The following WIPI2 variants were observed in gnomAD, a reference collection of about 807,000 sequenced individuals.
WIPI2 encodes the protein WD repeat domain phosphoinositide-interacting protein 2.
Under a neutral mutation model 52.3 loss-of-function variants are expected in WIPI2, and 28 were observed. The observed-to-expected ratio is 0.54, with a 90% CI of 0.40 to 0.73. The LOEUF (loss-of-function observed/expected upper bound fraction) is 0.73. Ranked by LOEUF, WIPI2 falls within the 30% of genes least tolerant of loss-of-function variation. The probability of loss-of-function intolerance (pLI) is 0.00; values close to 1 mark genes in which losing one functional copy is unlikely to be tolerated. For missense variants in WIPI2, 506 were observed against 602.9 expected (o/e 0.84, Z 1.68); for synonymous variants, 268 against 245.0 (o/e 1.09, Z -0.88).
intron 3 of WIPI2, among the ~76,000 whole-genome samples, chr7:5,211,853 C>T (rs1453617962): frequency 6.6e-6 from 1 of 152,178 alleles, no homozygotes; most frequent in Non-Finnish European, 1.5e-5. Context: ...TTGTTAAACT[C>T]GCCTTCCTGC....
chr7:5,196,538 A>C (rs1025979777), intron 2 of WIPI2, among the ~76,000 whole-genome samples: 1 of 152,148 alleles, frequency 6.6e-6, no homozygotes, highest in Non-Finnish European at 1.5e-5. Context: ...AAATATCTGA[A>C]CTTGATTGGC....
intron 2 of WIPI2, among the ~76,000 whole-genome samples, chr7:5,196,659 C>A (rs746202327): frequency 1.3e-5 from 2 of 152,068 alleles, no homozygotes; most frequent in Non-Finnish European, 2.9e-5. Flanking sequence ...GGAGAAGCCC[C>A]CTCGAAGCTC....
At chr7:5,201,453 G>A (rs915847346) in intron 3 of WIPI2, among the ~76,000 whole-genome samples, 1 of 152,152 alleles carries the variant, frequency 6.6e-6, no homozygotes, top group Admixed American at 6.6e-5. Context: ...ATCTTTTAGA[G>A]TGGATATTGG....
rs1783474176 is a variant in WIPI2, at chr7:5,227,134, C to T, written c.849-46C>T. 1 of 1,610,952 alleles carries T rather than the reference C, an allele frequency of 6.2e-7. No homozygotes were observed. The highest frequency in any genetic ancestry group is 1.3e-5 in the African/African-American group (1 of 75,000). On this transcript the variant is annotated intron_variant, in intron 9 of 12. Transcript: ENST00000288828. This position sits in a 1 kb window ranked among gnomAD's most constrained non-coding sequence, Gnocchi z 8.1. ...TGTGTGAGTAGGGGGTGGCCGTCCC[C>T]CCAGGGAGGGTGCAGCTTCATGTGT...
At chr7:5,221,777 T>C (rs1338772373) in intron 7 of WIPI2, among the ~76,000 whole-genome samples, 1 of 152,002 alleles carries the variant, frequency 6.6e-6, no homozygotes, top group Non-Finnish European at 1.5e-5. Flanking sequence ...TTCATGTGCA[T>C]CTTACCATTT....
At chr7:5,219,612 C>T (rs765966367) in intron 7 of WIPI2, among the ~76,000 whole-genome samples, 44 of 152,128 alleles carry the variant, frequency 2.9e-4, no homozygotes, top group Non-Finnish European at 5.0e-4. Context: ...AAGAATCTTG[C>T]GGTCATGTGG....
At position 5,227,462 on chromosome 7, in the gene WIPI2, A is replaced by G. The variant is rs1311057395; in HGVS notation, c.1013+118A>G. The G allele has an allele frequency of 1.4e-6, 2 of 1,384,196 alleles. No homozygotes were observed. The highest frequency in any genetic ancestry group is 2.9e-5 in the African/African-American group (2 of 68,806). The allele number at this position is 1,384,196 out of a possible 1,614,324, so 85.7% of individuals were successfully genotyped here. A position where few individuals can be genotyped will look rare whatever the true frequency, so the allele number is the denominator to read the frequency against. ...ACAGGAGCAGCTTCTTAGAGCCGACACTCCATCGAGAGTTGTCGGGGATGG... is the reference window on the plus strand; with the variant it reads ...ACAGGAGCAGCTTCTTAGAGCCGACGCTCCATCGAGAGTTGTCGGGGATGG... On this transcript the variant is annotated intron_variant, in intron 10 of 12. Transcript: ENST00000288828. This position sits in a 1 kb window ranked among gnomAD's most constrained non-coding sequence, Gnocchi z 8.1.
intron 8 of WIPI2, 128 bp downstream of exon 8, chr7:5,222,800 C>A: frequency 1.1e-6 from 1 of 908,812 alleles, no homozygotes; most frequent in Non-Finnish European, 1.7e-6. Flanking sequence ...CCGGCTGGGT[C>A]ACCGGGTAAG....
intron 6 of WIPI2, chr7:5,217,460 A>G (rs998829792): frequency 1.4e-5 from 6 of 438,878 alleles, no homozygotes; most frequent in African/African-American, 1.0e-4. Flanking sequence ...CACCACACCC[A>G]GCTAATTTTT....
rs542906466 is a variant in WIPI2, at chr7:5,190,406, C to T, written c.-14C>T. 7,904 of 1,395,774 alleles carry T rather than the reference C, an allele frequency of 5.7e-3. 40 individuals are homozygous for T. The highest frequency in any genetic ancestry group is 6.0e-3 in the Non-Finnish European group (6,428 of 1,068,600). The allele number at this position is 1,395,774 out of a possible 1,614,324, so 86.5% of individuals were successfully genotyped here. On this transcript the variant is annotated 5_prime_UTR_variant, in exon 1 of 13. Coordinates refer to ENST00000288828, the MANE Select transcript of WIPI2 (RefSeq NM_015610.4). ...CGCCCTCCCCGGCCGGGCCCACTCGCCGCGCGCCCAGCCATGAACCTGGCG... is the reference window on the plus strand; with the variant it reads ...CGCCCTCCCCGGCCGGGCCCACTCGTCGCGCGCCCAGCCATGAACCTGGCG...
intron 3 of WIPI2, chr7:5,213,025 C>G (rs550537210): frequency 6.6e-6 from 1 of 152,358 alleles, no homozygotes; most frequent in East Asian, 1.9e-4. Flanking sequence ...TGCTGCATGC[C>G]AGGTGCTAGA....
At chr7:5,222,549 A>G (rs2115301695) in intron 7 of WIPI2, 53 bp from the exon 8 acceptor site, 18 of 1,567,308 alleles carry the variant, frequency 1.1e-5, no homozygotes, top group Non-Finnish European at 1.6e-5. Flanking sequence ...GAAAGATGGG[A>G]AATTCCTGTT....
chr7:5,191,127 C>T (rs1781464368), intron 1 of WIPI2, among the ~76,000 whole-genome samples: 1 of 152,126 alleles, frequency 6.6e-6, no homozygotes, highest in African/African-American at 2.4e-5. Flanking sequence ...TCAAGCGATT[C>T]TCCTGCCTCA....
intron 7 of WIPI2, chr7:5,218,271 C>T (rs1459760800): frequency 1.1e-4 from 46 of 404,732 alleles, no homozygotes; most frequent in Non-Finnish European, 2.0e-4. Flanking sequence ...ACAGAAGTGC[C>T]GTGTGTAACC....
chr7:5,210,643 C>G (rs957685149), intron 3 of WIPI2, among the ~76,000 whole-genome samples: 1 of 152,152 alleles, frequency 6.6e-6, no homozygotes, highest in African/African-American at 2.4e-5. Context: ...GTAAATAAGT[C>G]AAGTTTTACC....
rs1783781041 is a variant in WIPI2, at chr7:5,232,666, G to A, written c.*1719G>A. ...CCACGCCTGCGTCTTGTGGTGCAAG[G>A]CCAGAGGGCTCTCTCTAGAACCTGA... On this transcript the variant is annotated 3_prime_UTR_variant, in exon 13 of 13. Transcript: ENST00000288828. 1 of 214,726 alleles carries A rather than the reference G, an allele frequency of 4.7e-6. No individual in the cohort carries two copies. The highest frequency in any genetic ancestry group is 9.1e-6 in the Non-Finnish European group (1 of 109,532). The allele number at this position is 214,726 out of a possible 1,614,324, so 13.3% of individuals were successfully genotyped here. A position where few individuals can be genotyped will look rare whatever the true frequency, so the allele number is the denominator to read the frequency against.
chr7:5,230,853 G>A lies in WIPI2; in HGVS notation c.1271G>A (p.Gly424Asp), dbSNP rs1402554224. 1 of 1,613,762 alleles carries A rather than the reference G, an allele frequency of 6.2e-7. No individual in the cohort carries two copies. The highest frequency in any genetic ancestry group is 8.5e-7 in the Non-Finnish European group (1 of 1,179,846). The change falls in exon 13 of 13, where the codon GGT (glycine) becomes GAT (aspartate). Residue 424 changes from glycine to aspartate, a missense_variant. This residue lies in a region of WIPI2 where 194 missense variants were observed against 175.1 expected (regional missense o/e 1.11). Coordinates refer to ENST00000288828, the MANE Select transcript of WIPI2 (RefSeq NM_015610.4). The surrounding 1 kb of genome is among the most constrained non-coding windows in gnomAD (Gnocchi z 4.8). ...PTRLAYTDDL[G>D]AVGGACLEDE... ...TTTGCAGCCTACACAGACGACCTGG[G>A]TGCTGTGGGTGGCGCCTGCCTGGAG... is the stretch of plus-strand genomic sequence containing the variant.
chr7:5,205,227 C>T (rs918323086), intron 3 of WIPI2, among the ~76,000 whole-genome samples: 4 of 152,212 alleles, frequency 2.6e-5, no homozygotes, highest in East Asian at 1.9e-4. Flanking sequence ...CCATCCGCCT[C>T]AGCTTCCCAA....
intron 8 of WIPI2, 131 bp downstream of exon 8, chr7:5,222,803 C>A: frequency 2.3e-6 from 2 of 868,078 alleles, no homozygotes; most frequent in African/African-American, 1.7e-5. Flanking sequence ...GCTGGGTCAC[C>A]GGGTAAGATC....
Sources: gnomAD v4.1 joint callset for allele counts (sites outside exome capture counted in the v4.1 genomes callset) on GRCh38, gnomAD v4.1.1 for gene constraint, gnomAD v4.1.1 regional missense constraint, Gnocchi (gnomAD v3.1) non-coding constraint, MANE v1.5 for transcripts, NCBI Gene and HGNC (gene_info 2026-07-23, HGNC 2026-07-21) for gene names.